Variants in ARHGAP32 observed in about 807,000 individuals in gnomAD.
ARHGAP32 encodes the protein rho GTPase-activating protein 32.
Under a neutral mutation model 186.5 loss-of-function variants are expected in ARHGAP32, and 51 were observed. That is an observed-to-expected ratio of 0.27 (90% CI 0.22 to 0.35). The LOEUF is 0.35. Among genes scored for constraint, ARHGAP32 ranks in the 10% least tolerant of loss-of-function variants. The probability of loss-of-function intolerance (pLI) is 1.00; values close to 1 mark genes in which losing one functional copy is unlikely to be tolerated. For synonymous variants in ARHGAP32, 950 were observed against 964.3 expected (o/e 0.99, Z 0.27); for missense variants, 2,186 against 2,623.5 (o/e 0.83, Z 3.64).
chr11:129,234,823 AAAAC>A (rs1233313419), intron 1 of ARHGAP32, among the ~76,000 whole-genome samples: 2 of 152,200 alleles, frequency 1.3e-5, no homozygotes, highest in South Asian at 2.1e-4. Context: ...AGCAACAGAA[AAAAC>A]AAACAAACAA....
At chr11:129,162,588 C>A (rs1943553082) in intron 2 of ARHGAP32, among the ~76,000 whole-genome samples, 1 of 152,076 alleles carries the variant, frequency 6.6e-6, no homozygotes, top group Non-Finnish European at 1.5e-5. Context: ...GAAGTGGAAT[C>A]TACTAAGATA....
At chr11:129,149,477 C>T (rs1457401385) in intron 2 of ARHGAP32, among the ~76,000 whole-genome samples, 1 of 152,186 alleles carries the variant, frequency 6.6e-6, no homozygotes, top group Non-Finnish European at 1.5e-5. Context: ...TGCAGACATT[C>T]CCTAGCACCA....
intron 6 of ARHGAP32, among the ~76,000 whole-genome samples, chr11:129,090,059 G>A (rs761329182): frequency 2.0e-5 from 3 of 152,178 alleles, no homozygotes; most frequent in Non-Finnish European, 2.9e-5. Flanking sequence ...TGAACAGCAC[G>A]TTACTCATCT....
chr11:129,102,263 A>C (rs1474305341), intron 5 of ARHGAP32, among the ~76,000 whole-genome samples: 1 of 152,246 alleles, frequency 6.6e-6, no homozygotes, highest in East Asian at 1.9e-4. Context: ...AAATAAGCAG[A>C]CCAATGATAC....
At chr11:128,977,111 G>T (rs1362436138) in intron 19 of ARHGAP32, among the ~76,000 whole-genome samples, 1 of 152,166 alleles carries the variant, frequency 6.6e-6, no homozygotes, top group Non-Finnish European at 1.5e-5. Flanking sequence ...GCTTGGAAAG[G>T]CAAGGAAGGA....
intron 1 of ARHGAP32, among the ~76,000 whole-genome samples, chr11:129,182,431 C>G (rs1020437966): frequency 5.9e-5 from 9 of 151,908 alleles, no homozygotes; most frequent in African/African-American, 2.2e-4. Flanking sequence ...TTTCCCAGGT[C>G]GTCATATGTC....
Position 128,969,486 on chromosome 11 carries a change from G to A in ARHGAP32, c.5727C>T (p.Pro1909=). The A allele has an allele frequency of 1.2e-6, 2 of 1,614,140 alleles. No homozygotes were observed. Among genetic ancestry groups the A allele is most frequent in the Non-Finnish European group, 8.5e-7 (1 of 1,180,026 alleles). Residue 1909 remains proline (P), a synonymous_variant, in exon 23 of 23, where the codon CCC becomes CCT. Coordinates refer to ENST00000682385, the MANE Select transcript of ARHGAP32 (RefSeq NM_001378024.1). This position sits in a 1 kb window ranked among gnomAD's most constrained non-coding sequence, Gnocchi z 4.8. ...ACTGGCCAGCTCCCTGGGGATAAGG[G>A]GGCCCATTCTTTGACTCACAGAACT... ...HRQFCESKNG[P]PYPQGAGQLD... is the part of the protein sequence containing the mutation.
chr11:129,205,643 A>G (rs1191154437), intron 1 of ARHGAP32, among the ~76,000 whole-genome samples: 1 of 152,180 alleles, frequency 6.6e-6, no homozygotes, highest in Non-Finnish European at 1.5e-5. Flanking sequence ...GAAACAGGAT[A>G]AAGTCCTATA....
At position 129,265,207 on chromosome 11, in the gene ARHGAP32, C is replaced by A. The variant is rs1318707412; in HGVS notation, c.-5+13939G>T. Among the ~76,000 whole-genome samples, 7 of 152,264 alleles carry A rather than the reference C, an allele frequency of 4.6e-5. No homozygotes were observed. In the East Asian group the frequency reaches 1.4e-3, roughly 29 times the overall value. Reference sequence around the variant, plus strand: ...GGAGGCACAAGTAGTTCATGTCTCTCGTGCATTCTAGTACCTATCATCACG... The same window carrying A: ...GGAGGCACAAGTAGTTCATGTCTCTAGTGCATTCTAGTACCTATCATCACG... On this transcript the variant is annotated intron_variant, in intron 1 of 6. Coordinates refer to the ARHGAP32 transcript ENST00000525234.
chr11:129,115,563 G>A (rs963521144), intron 5 of ARHGAP32, among the ~76,000 whole-genome samples: 4 of 152,078 alleles, frequency 2.6e-5, no homozygotes, highest in African/African-American at 9.7e-5. Context: ...TGGAAAATGA[G>A]ACCAAATAAC....
chr11:129,253,851 G>A (rs1945218438), intron 1 of ARHGAP32, among the ~76,000 whole-genome samples: 1 of 151,880 alleles, frequency 6.6e-6, no homozygotes, highest in African/African-American at 2.4e-5. Context: ...GAGATCACTG[G>A]GTCACCATAT....
rs916782247 is a variant in ARHGAP32 at position 128,968,113 on chromosome 11, A to G, written c.*794T>C. On this transcript the variant is annotated 3_prime_UTR_variant, in exon 23 of 23. Coordinates refer to ENST00000682385, the MANE Select transcript of ARHGAP32 (RefSeq NM_001378024.1). ...CTGGTGCTAATAAAGTTCACTGACA[A>G]TAAGAACTTTACTTTCTTCCACCTA... 6.6e-5 allele frequency: 10 copies of G among 152,078 alleles called. No homozygotes were observed. The highest frequency in any genetic ancestry group is 2.2e-4 in the African/African-American group (9 of 41,406). 9.4% of individuals were successfully genotyped at this position (152,078 alleles called of 1,614,324 possible).
intron 5 of ARHGAP32, among the ~76,000 whole-genome samples, chr11:129,120,558 T>G (rs554740543): frequency 1.2e-4 from 19 of 152,230 alleles, no homozygotes; most frequent in African/African-American, 4.3e-4. Flanking sequence ...TAAATAAAAT[T>G]GATCATTGGA....
intron 1 of ARHGAP32, among the ~76,000 whole-genome samples, chr11:129,235,900 A>AAC (rs57291313): frequency 0.089 from 13,004 of 145,488 alleles, 629 homozygotes; most frequent in African/African-American, 0.12. Flanking sequence ...GTCATTCATA[A>AAC]ACACACACAC....
intron 1 of ARHGAP32, among the ~76,000 whole-genome samples, chr11:129,212,853 G>GT (rs905211825): frequency 4.7e-5 from 7 of 148,814 alleles, no homozygotes; most frequent in Admixed American, 6.7e-5. Flanking sequence ...TCCAAAATAA[G>GT]TTTTTTTTTA....
At chr11:129,200,550 T>C (rs1358379629) in intron 1 of ARHGAP32, among the ~76,000 whole-genome samples, 1 of 152,182 alleles carries the variant, frequency 6.6e-6, no homozygotes, top group Non-Finnish European at 1.5e-5. Flanking sequence ...ACCAAGATTG[T>C]GAGGCCTCCC....
chr11:128,991,717 C>A lies in ARHGAP32; in HGVS notation c.1196-3592G>T, dbSNP rs573861831. 2.0e-4 allele frequency among the ~76,000 whole-genome samples: 30 copies of A among 152,262 alleles called. 1 individual carries two copies. The East Asian group carries it at 5.6e-3, about 28-fold the overall frequency. On this transcript the variant is annotated intron_variant, in intron 12 of 22. Transcript: ENST00000682385. ...CCCACATTCTCCACATAATACACTT[C>A]TGATTTACTTTGATTTTACATTCTT... is the stretch of plus-strand genomic sequence containing the variant.
intron 6 of ARHGAP32, among the ~76,000 whole-genome samples, chr11:129,089,216 A>T (rs1020903083): frequency 1.3e-5 from 2 of 152,218 alleles, no homozygotes; most frequent in Admixed American, 6.5e-5. Flanking sequence ...CATGGTGCTA[A>T]GCACTGTAGT....
intron 6 of ARHGAP32, among the ~76,000 whole-genome samples, chr11:129,084,918 C>G (rs1252960592): frequency 6.6e-6 from 1 of 152,066 alleles, no homozygotes; most frequent in Non-Finnish European, 1.5e-5. Context: ...AAACTCCTGG[C>G]ACTAATAAAT....
Sources: gnomAD v4.1 joint callset for allele counts (sites outside exome capture counted in the v4.1 genomes callset) on GRCh38, gnomAD v4.1.1 for gene constraint, Gnocchi (gnomAD v3.1) non-coding constraint, MANE v1.5 for transcripts, NCBI Gene and HGNC (gene_info 2026-07-23, HGNC 2026-07-21) for gene names.